The following GABRB1 variants were observed in gnomAD, a reference collection of about 807,000 sequenced individuals.
GABRB1 encodes gamma-aminobutyric acid receptor subunit beta-1.
Under a neutral mutation model 51.6 loss-of-function variants are expected in GABRB1, and 17 were observed. The observed-to-expected ratio is 0.33, with a 90% CI of 0.23 to 0.49. The LOEUF (loss-of-function observed/expected upper bound fraction) is 0.49. Ranked by LOEUF, GABRB1 falls within the 20% of genes least tolerant of loss-of-function variation. The pLI is 0.99. For missense variants in GABRB1, 410 were observed against 600.6 expected (o/e 0.68, Z 3.32); for synonymous variants, 247 against 218.9 (o/e 1.13, Z -1.14).
At chr4:47,250,883 C>T (rs374736263) in intron 4 of GABRB1, among the ~76,000 whole-genome samples, 9 of 152,252 alleles carry the variant, frequency 5.9e-5, no homozygotes, top group South Asian at 2.1e-4. Flanking sequence ...CCTTGCATTG[C>T]GCTTCACATT....
At chr4:47,033,138 A>G (rs955308400) in intron 3 of GABRB1, 7 of 189,214 alleles carry the variant, frequency 3.7e-5, no homozygotes, top group African/African-American at 1.6e-4. Context: ...AAGTTGAAAC[A>G]GAATAAATCA....
chr4:47,270,355 A>G (rs1722823772), intron 4 of GABRB1, among the ~76,000 whole-genome samples: 1 of 152,162 alleles, frequency 6.6e-6, no homozygotes, highest in Non-Finnish European at 1.5e-5. Flanking sequence ...TACAAATCAG[A>G]AGAGTTTCTG....
At chr4:47,134,004 T>C (rs1716533424) in intron 3 of GABRB1, among the ~76,000 whole-genome samples, 1 of 152,250 alleles carries the variant, frequency 6.6e-6, no homozygotes, top group African/African-American at 2.4e-5. Flanking sequence ...ATCTTTCATT[T>C]TTATCTCAGT....
intron 5 of GABRB1, among the ~76,000 whole-genome samples, chr4:47,342,885 C>T (rs13118752): frequency 6.6e-6 from 1 of 152,054 alleles, no homozygotes; most frequent in Non-Finnish European, 1.5e-5. Flanking sequence ...TTACCTGACC[C>T]TTAAGTATTT....
chr4:46,994,565 T>C (rs560413378), intron 1 of GABRB1, among the ~76,000 whole-genome samples: 3 of 150,944 alleles, frequency 2.0e-5, no homozygotes, highest in Admixed American at 6.6e-5. Context: ...AGAGAAAGGA[T>C]ACATAAATTA....
chr4:47,137,958 C>G (rs1716743023), intron 3 of GABRB1, among the ~76,000 whole-genome samples: 1 of 151,856 alleles, frequency 6.6e-6, no homozygotes, highest in African/African-American at 2.4e-5. Context: ...TAATGTATAC[C>G]CATGTAATTG....
chr4:47,285,652 C>A (rs181327555), intron 4 of GABRB1, among the ~76,000 whole-genome samples: 30 of 152,272 alleles, frequency 2.0e-4, no homozygotes, highest in African/African-American at 6.0e-4. Context: ...ACATTCAAAT[C>A]CCTACTCTAG....
intron 1 of GABRB1, among the ~76,000 whole-genome samples, chr4:47,006,798 C>T (rs1724413153): frequency 6.6e-6 from 1 of 152,204 alleles, no homozygotes; most frequent in African/African-American, 2.4e-5. Flanking sequence ...AAAGTAAATG[C>T]TGCAATTAAA....
intron 3 of GABRB1, among the ~76,000 whole-genome samples, chr4:47,145,600 A>G (rs1717134230): frequency 1.3e-5 from 2 of 152,058 alleles, no homozygotes; most frequent in Admixed American, 6.6e-5. Flanking sequence ...TGTGGAAGAA[A>G]GGAACACGAC....
intron 3 of GABRB1, among the ~76,000 whole-genome samples, chr4:47,139,041 A>T (rs1022841786): frequency 1.3e-5 from 2 of 151,846 alleles, no homozygotes; most frequent in African/African-American, 4.8e-5. Context: ...ACACATTCCA[A>T]CCATTTCTGC....
chr4:47,245,633 A>G (rs1721709055), intron 4 of GABRB1, among the ~76,000 whole-genome samples: 1 of 152,136 alleles, frequency 6.6e-6, no homozygotes, highest in South Asian at 2.1e-4. Context: ...ATAGGAAGCT[A>G]CAGTGTGCTT....
intron 4 of GABRB1, among the ~76,000 whole-genome samples, chr4:47,186,322 A>G (rs1719182177): frequency 6.6e-6 from 1 of 151,874 alleles, no homozygotes; most frequent in African/African-American, 2.4e-5. Flanking sequence ...TACAGAGAAC[A>G]CTATCATGCA....
At chr4:47,110,619 G>A (rs1378968709) in intron 3 of GABRB1, among the ~76,000 whole-genome samples, 1 of 152,122 alleles carries the variant, frequency 6.6e-6, no homozygotes, top group Non-Finnish European at 1.5e-5. Flanking sequence ...TTTTGTAAAT[G>A]AGAAACATTT....
intron 4 of GABRB1, among the ~76,000 whole-genome samples, chr4:47,247,651 G>C (rs1055635830): frequency 1.3e-5 from 2 of 152,012 alleles, no homozygotes; most frequent in African/African-American, 4.8e-5. Flanking sequence ...ACCCAACCAT[G>C]AGCATGGGAT....
intron 3 of GABRB1, among the ~76,000 whole-genome samples, chr4:47,115,189 T>G (rs1715409611): frequency 6.6e-6 from 1 of 152,232 alleles, no homozygotes. Flanking sequence ...CAGACATTTA[T>G]GCTGATAGCT....
At chr4:47,081,763 G>A (rs916608327) in intron 3 of GABRB1, among the ~76,000 whole-genome samples, 2 of 151,962 alleles carry the variant, frequency 1.3e-5, no homozygotes, top group Non-Finnish European at 2.9e-5. Context: ...TTTTTGCATA[G>A]CAAACTTCCC....
chr4:47,155,916 C>CATATATATATATATATATAT (rs10525795), intron 3 of GABRB1, among the ~76,000 whole-genome samples: 1,355 of 73,290 alleles, frequency 0.018, 216 homozygotes, highest in Non-Finnish European at 0.026. Context: ...GAGGTATTTT[C>CATATATATATATATATATAT]ATATATATAT....
intron 4 of GABRB1, among the ~76,000 whole-genome samples, chr4:47,295,288 C>T (rs1335279717): frequency 2.6e-5 from 4 of 152,208 alleles, no homozygotes; most frequent in Non-Finnish European, 4.4e-5. Context: ...GAGGAGAAGG[C>T]TTCAGACGAT....
chr4:47,204,642 C>T (rs4695198), intron 4 of GABRB1, among the ~76,000 whole-genome samples: 2,476 of 152,140 alleles, frequency 0.016, 76 homozygotes, highest in African/African-American at 0.056. Flanking sequence ...GGGTCTTTCC[C>T]GTCCTATTCT....
Sources: allele counts gnomAD v4.1 joint callset (sites outside exome capture counted in the v4.1 genomes callset), GRCh38; gene constraint gnomAD v4.1.1; transcripts MANE v1.5; gene names NCBI Gene and HGNC (gene_info 2026-07-23, HGNC 2026-07-21).